The following TLN2 variants were observed in gnomAD, a reference collection of about 807,000 sequenced individuals.
TLN2 encodes talin-2.
A neutral mutation model predicts 294.7 loss-of-function variants in TLN2; 118 were observed. The observed-to-expected ratio is 0.40, with a 90% CI of 0.34 to 0.47. The LOEUF is 0.47. TLN2 is among the 20% of genes least tolerant of loss of function. The pLI is 0.84. For missense variants in TLN2, 3,083 were observed against 3,282.2 expected (o/e 0.94, Z 1.48); for synonymous variants, 1,431 against 1,304.5 (o/e 1.10, Z -2.09).
rs532185774 is a variant in TLN2, at chr15:62,730,372, C to T, written c.3358+3183C>T. Among the ~76,000 whole-genome samples the T allele has an allele frequency of 5.3e-5, 8 of 152,196 alleles. No homozygotes were observed. In the East Asian group the frequency reaches 5.8e-4, roughly 11 times the overall value. Reference sequence around the variant, plus strand: ...TTAATTCTAGGTATATTTTCATCTCCGCAATACAGTCTCAGTGTTGTTCCA... The same window carrying T: ...TTAATTCTAGGTATATTTTCATCTCTGCAATACAGTCTCAGTGTTGTTCCA... On this transcript the variant is annotated intron_variant, in intron 28 of 58. Transcript: ENST00000636159.
At chr15:62,470,859 A>C (rs1201457878) in intron 1 of TLN2, among the ~76,000 whole-genome samples, 2 of 152,244 alleles carry the variant, frequency 1.3e-5, no homozygotes, top group Non-Finnish European at 2.9e-5. Flanking sequence ...AAGGCTATCG[A>C]GGCAATTCAT....
intron 1 of TLN2, among the ~76,000 whole-genome samples, chr15:62,543,661 A>G (rs2041827595): frequency 6.6e-6 from 1 of 151,798 alleles, no homozygotes; most frequent in South Asian, 2.1e-4. Flanking sequence ...AGGCTGAGGC[A>G]GAAGAGTTGC....
chr15:62,533,253 C>CA (rs10650730), intron 1 of TLN2, among the ~76,000 whole-genome samples: 2,397 of 49,482 alleles, frequency 0.048, 149 homozygotes, highest in African/African-American at 0.091. Context: ...GACTCTGTCT[C>CA]AAAAAAAAAA....
rs75933315 is a variant in TLN2, at chr15:62,649,477, C to T, written c.137-607C>T. 1.7e-3 allele frequency among the ~76,000 whole-genome samples: 258 copies of T among 152,260 alleles called. 4 individuals are homozygous for T. In the East Asian group the frequency reaches 0.043, roughly 25 times the overall value. ...TGCTCCTCTCCTGCCACCCCACCCCCTTCGTACTTCCTATGTCAGATTAAG... is the reference window on the plus strand; with the variant it reads ...TGCTCCTCTCCTGCCACCCCACCCCTTTCGTACTTCCTATGTCAGATTAAG... On this transcript the variant is annotated intron_variant, in intron 4 of 58. Coordinates refer to ENST00000636159, the MANE Select transcript of TLN2 (RefSeq NM_015059.3).
chr15:62,510,133 G>A (rs1567043583), intron 1 of TLN2, among the ~76,000 whole-genome samples: 1 of 152,164 alleles, frequency 6.6e-6, no homozygotes, highest in Non-Finnish European at 1.5e-5. Context: ...CAAAACGGGG[G>A]CTGGTAAGAT....
chr15:62,667,069 C>T (rs2054758336), intron 9 of TLN2, among the ~76,000 whole-genome samples: 3 of 152,104 alleles, frequency 2.0e-5, no homozygotes, highest in Admixed American at 6.6e-5. Context: ...GGATTCAGGC[C>T]GTTCTCCTGC....
rs781445645 is a variant in TLN2, at chr15:62,833,608, G to C, written c.7107G>C (p.Arg2369Ser). 8.1e-6 allele frequency: 13 copies of C among 1,613,936 alleles called. No individual in the cohort carries two copies. The highest frequency in any genetic ancestry group is 1.1e-5 in the Non-Finnish European group (13 of 1,179,998). The change falls in exon 55 of 59, where the codon AGG becomes AGC. Residue 2369 changes from arginine (R) to serine (S), a missense_variant. By Grantham distance (110) the Arg-to-Ser change is moderately radical. Coordinates refer to ENST00000636159, the MANE Select transcript of TLN2 (RefSeq NM_015059.3). ...TCAAATCGGCCTCAGCAGCCCAGAG[G>C]GAGCTGGTGGCCCAAGGAAAGGTGG... ...ALVKSASAAQ[R>S]ELVAQGKVGS...
At chr15:62,560,883 G>T (rs936870344) in intron 1 of TLN2, among the ~76,000 whole-genome samples, 1 of 152,234 alleles carries the variant, frequency 6.6e-6, no homozygotes, top group East Asian at 1.9e-4. Flanking sequence ...AACCGAGGCA[G>T]CTGGAGCCAG....
At chr15:62,493,904 C>T (rs1306692929) in intron 1 of TLN2, among the ~76,000 whole-genome samples, 1 of 152,200 alleles carries the variant, frequency 6.6e-6, no homozygotes, top group Non-Finnish European at 1.5e-5. Flanking sequence ...AGCCACCATG[C>T]CTGGCCGAGG....
chr15:62,544,099 A>C (rs1170500727), intron 1 of TLN2, among the ~76,000 whole-genome samples: 1 of 152,220 alleles, frequency 6.6e-6, no homozygotes, highest in Non-Finnish European at 1.5e-5. Flanking sequence ...CGCTTTGTAT[A>C]ATAATCATTT....
At position 62,414,904 on chromosome 15, in the gene TLN2, A is replaced by ATTAT. The variant is rs1000320318; in HGVS notation, c.-238+24237_-238+24240dup. On this transcript the variant is annotated intron_variant, in intron 1 of 58. Transcript: ENST00000636159. ...GTCAAGCATGCCTTTTAAAATTTTT[A>ATTAT]TTATTTATTTATTTATTTATTATTG... 5.7e-5 allele frequency among the ~76,000 whole-genome samples: 8 copies of ATTAT among 140,230 alleles called. 2 individuals are homozygous for ATTAT. Among genetic ancestry groups the ATTAT allele is most frequent in the South Asian group, 2.7e-4 (1 of 3,684 alleles). 92.0% of individuals were successfully genotyped at this position (140,230 alleles called of 152,430 possible).
At chr15:62,586,652 A>C (rs942098248) in intron 1 of TLN2, among the ~76,000 whole-genome samples, 6 of 152,244 alleles carry the variant, frequency 3.9e-5, no homozygotes, top group African/African-American at 1.4e-4. Flanking sequence ...TCATATATAA[A>C]TATAACCCAA....
At chr15:62,604,960 T>G (rs1371448241) in intron 2 of TLN2, among the ~76,000 whole-genome samples, 1 of 152,070 alleles carries the variant, frequency 6.6e-6, no homozygotes, top group African/African-American at 2.4e-5. Flanking sequence ...TAGGTGAACT[T>G]TTTGTATCAG....
chr15:62,737,674 C>T (rs917487837), intron 29 of TLN2, among the ~76,000 whole-genome samples: 3 of 152,186 alleles, frequency 2.0e-5, no homozygotes, highest in Non-Finnish European at 2.9e-5. Flanking sequence ...TTCTAGGCAA[C>T]GTGAGGGCAG....
At chr15:62,619,666 G>A (rs2048609206) in intron 3 of TLN2, among the ~76,000 whole-genome samples, 1 of 152,178 alleles carries the variant, frequency 6.6e-6, no homozygotes. Context: ...CGTCCTTGTA[G>A]GAAGAGGAGA....
intron 1 of TLN2, among the ~76,000 whole-genome samples, chr15:62,531,568 C>A (rs369327544): frequency 2.4e-4 from 36 of 152,040 alleles, no homozygotes; most frequent in East Asian, 1.2e-3. Context: ...ATATTCTCAC[C>A]ATAAAAATAA....
At chr15:62,521,075 A>G (rs1380619500) in intron 1 of TLN2, among the ~76,000 whole-genome samples, 1 of 152,178 alleles carries the variant, frequency 6.6e-6, no homozygotes, top group Non-Finnish European at 1.5e-5. Flanking sequence ...TGTCCCTCCC[A>G]TAGATTGACA....
At chr15:62,815,528 A>G (rs1015173958) in intron 52 of TLN2, among the ~76,000 whole-genome samples, 1 of 152,256 alleles carries the variant, frequency 6.6e-6, no homozygotes, top group Non-Finnish European at 1.5e-5. Context: ...AGCAATCTGC[A>G]GAAATAAGTT....
At chr15:62,507,766 G>C (rs2039703054) in intron 1 of TLN2, among the ~76,000 whole-genome samples, 1 of 152,258 alleles carries the variant, frequency 6.6e-6, no homozygotes, top group African/African-American at 2.4e-5. Context: ...GATGTAGGCA[G>C]TACTGGGCAG....
Sources: gnomAD v4.1 joint callset for allele counts (sites outside exome capture counted in the v4.1 genomes callset) on GRCh38, gnomAD v4.1.1 for gene constraint, MANE v1.5 for transcripts, NCBI Gene and HGNC (gene_info 2026-07-23, HGNC 2026-07-21) for gene names.